The following WWOX variants were observed in gnomAD, a reference collection of about 807,000 sequenced individuals.
WWOX encodes WW domain containing oxidoreductase.
A neutral mutation model predicts 46.2 loss-of-function variants in WWOX; 69 were observed. That is an observed-to-expected ratio of 1.49 (90% CI 1.23 to 1.82). The LOEUF is 1.82. Among genes scored for constraint, WWOX ranks in the 40% most tolerant of loss-of-function variants. The pLI is 0.00. For synonymous variants in WWOX, 359 were observed against 202.6 expected, an observed-to-expected ratio of 1.77 and a Z score of -6.56; for missense variants, 919 against 542.6, an observed-to-expected ratio of 1.69 and a Z score of -6.89.
chr16:78,641,185 A>AGCC (rs2046699776), intron 8 of WWOX, among the ~76,000 whole-genome samples: 1 of 152,162 alleles, frequency 6.6e-6, no homozygotes, highest in African/African-American at 2.4e-5. Context: ...TTGACAACAA[A>AGCC]GCCTTTCACG....
At chr16:78,963,942 A>T (rs777576580) in intron 8 of WWOX, among the ~76,000 whole-genome samples, 39 of 152,158 alleles carry the variant, frequency 2.6e-4, no homozygotes, top group Non-Finnish European at 5.1e-4. Context: ...ATAAGATCCA[A>T]TGAATTTATC....
chr16:78,946,708 G>GT (rs2045955549), intron 8 of WWOX, among the ~76,000 whole-genome samples: 1 of 152,084 alleles, frequency 6.6e-6, no homozygotes, highest in Non-Finnish European at 1.5e-5. Context: ...TGGTGCGTCT[G>GT]TTTTTCAGAG....
intron 5 of WWOX, among the ~76,000 whole-genome samples, chr16:78,304,242 C>T (rs1372677272): frequency 2.0e-5 from 3 of 152,228 alleles, no homozygotes; most frequent in Non-Finnish European, 4.4e-5. Flanking sequence ...GCTCACTCTC[C>T]TTTCTAATGC....
intron 5 of WWOX, among the ~76,000 whole-genome samples, chr16:78,360,973 A>G (rs1056295587): frequency 2.6e-5 from 4 of 152,036 alleles, no homozygotes; most frequent in Non-Finnish European, 5.9e-5. Context: ...CGCATGCACC[A>G]CCATGCCTGG....
chr16:79,073,216 T>G (rs914083388), intron 8 of WWOX, among the ~76,000 whole-genome samples: 36 of 151,194 alleles, frequency 2.4e-4, no homozygotes, highest in African/African-American at 8.2e-4. Flanking sequence ...TTACTCTCTC[T>G]TTGCCCAGGC....
intron 8 of WWOX, among the ~76,000 whole-genome samples, chr16:79,138,810 C>G (rs1384464852): frequency 2.0e-5 from 3 of 152,162 alleles, no homozygotes; most frequent in Non-Finnish European, 4.4e-5. Context: ...TGCAGGCCCA[C>G]AGTAGGGACT....
At chr16:79,172,073 G>T (rs896853164) in intron 8 of WWOX, among the ~76,000 whole-genome samples, 1 of 152,188 alleles carries the variant, frequency 6.6e-6, no homozygotes, top group Non-Finnish European at 1.5e-5. Flanking sequence ...CCTCCCCTGT[G>T]TTAGCACGTG....
At chr16:79,031,830 G>GAT (rs10581989) in intron 8 of WWOX, among the ~76,000 whole-genome samples, 4 of 137,480 alleles carry the variant, frequency 2.9e-5, no homozygotes, top group East Asian at 2.0e-4. Flanking sequence ...ATCTATATAT[G>GAT]ATATATATAT....
At chr16:79,070,610 C>T (rs1597346232) in intron 8 of WWOX, among the ~76,000 whole-genome samples, 1 of 152,100 alleles carries the variant, frequency 6.6e-6, no homozygotes, top group Admixed American at 6.5e-5. Flanking sequence ...AGGTAGGCTG[C>T]TGCTAGGGAG....
chr16:78,700,562 C>T (rs1364432993), intron 8 of WWOX, among the ~76,000 whole-genome samples: 1 of 152,200 alleles, frequency 6.6e-6, no homozygotes, highest in African/African-American at 2.4e-5. Flanking sequence ...TCAGTGCAGC[C>T]TTCACAGGCA....
chr16:78,438,346 A>G (rs1196551967), intron 8 of WWOX, among the ~76,000 whole-genome samples: 1 of 152,126 alleles, frequency 6.6e-6, no homozygotes, highest in African/African-American at 2.4e-5. Context: ...TGCTTTGTCC[A>G]ATGCACGGTA....
At chr16:78,897,215 G>A (rs1486560407) in intron 8 of WWOX, 2 of 124,698 alleles carry the variant, frequency 1.6e-5, no homozygotes, top group Admixed American at 9.8e-5. Flanking sequence ...CTGCACTCTA[G>A]CCTGGGTGAC....
chr16:78,239,450 ATTGTCAAGGGATCTTACAGGCC>A (rs1177926762), intron 5 of WWOX, among the ~76,000 whole-genome samples: 20 of 152,254 alleles, frequency 1.3e-4, no homozygotes, highest in African/African-American at 4.8e-4. Context: ...CTGGTGTGTT[ATTGTCAAGGGATCTTACAGGCC>A]TTGCTTCCCA....
At chr16:78,787,032 C>G (rs1029778735) in intron 8 of WWOX, among the ~76,000 whole-genome samples, 3 of 152,098 alleles carry the variant, frequency 2.0e-5, no homozygotes, top group Non-Finnish European at 4.4e-5. Context: ...CCTGTAATCC[C>G]AGGTATTCAG....
At chr16:79,145,553 AG>A (rs1339010744) in intron 8 of WWOX, among the ~76,000 whole-genome samples, 1 of 152,232 alleles carries the variant, frequency 6.6e-6, no homozygotes, top group Non-Finnish European at 1.5e-5. Context: ...CATTAGAATC[AG>A]AAACTAGACA....
chr16:78,312,335 C>G (rs1244810069), intron 5 of WWOX, among the ~76,000 whole-genome samples: 1 of 149,622 alleles, frequency 6.7e-6, no homozygotes, highest in African/African-American at 2.5e-5. Flanking sequence ...AGTAAGGAAA[C>G]ACTTATATTG....
At chr16:79,067,649 C>G (rs1346508270) in intron 8 of WWOX, among the ~76,000 whole-genome samples, 2 of 151,458 alleles carry the variant, frequency 1.3e-5, no homozygotes, top group Admixed American at 1.3e-4. Flanking sequence ...GGGGGGGGCA[C>G]TTATCACCAC....
In WWOX at chr16:78,652,207, C is replaced by G. The variant is rs143576525; in HGVS notation, c.1056+219455C>G. ...TGGGCAGATCACGAGGTCAAGAGATCGAGACCATCCTGGCCAATATGGTGA... is the reference window on the plus strand; with the variant it reads ...TGGGCAGATCACGAGGTCAAGAGATGGAGACCATCCTGGCCAATATGGTGA... On this transcript the variant is annotated intron_variant, in intron 8 of 8. Coordinates refer to ENST00000566780, the MANE Select transcript of WWOX (RefSeq NM_016373.4). Among the ~76,000 whole-genome samples, 1,307 of 151,528 alleles carry G rather than the reference C, an allele frequency of 8.6e-3. 13 individuals carry two copies. The highest frequency in any genetic ancestry group is 0.022 in the African/African-American group (926 of 41,266).
chr16:78,342,719 A>G (rs536227569), intron 5 of WWOX, among the ~76,000 whole-genome samples: 1 of 120,584 alleles, frequency 8.3e-6, no homozygotes, highest in Admixed American at 8.1e-5. Flanking sequence ...TTTGCACCCC[A>G]GGGATAGCAC....
Sources: gnomAD v4.1 joint callset for allele counts (sites outside exome capture counted in the v4.1 genomes callset) on GRCh38, gnomAD v4.1.1 for gene constraint, MANE v1.5 for transcripts, NCBI Gene and HGNC (gene_info 2026-07-23, HGNC 2026-07-21) for gene names.